The following UBALD1 variants were observed in gnomAD, a reference collection of about 807,000 sequenced individuals.
The protein encoded by UBALD1 is UBA like domain containing 1, also known as UBA-like domain-containing protein 1.
UBALD1 carries 5 observed loss-of-function variants against 16.1 expected under a neutral mutation model. The observed-to-expected ratio is 0.31, with a 90% CI of 0.16 to 0.66. The LOEUF is 0.66. Among genes scored for constraint, UBALD1 ranks in the 30% least tolerant of loss-of-function variants. UBALD1 has a pLI of 0.77. For synonymous variants in UBALD1, 146 were observed against 105.3 expected, an observed-to-expected ratio of 1.39 and a Z score of -2.37; for missense variants, 220 against 252.8, an observed-to-expected ratio of 0.87 and a Z score of 0.88.
In UBALD1 at chr16:4,610,480, C is replaced by T. The variant is rs778641098; in HGVS notation, c.183+13G>A. On this transcript the variant is annotated intron_variant, in intron 2 of 2. Coordinates refer to ENST00000283474, the MANE Select transcript of UBALD1 (RefSeq NM_145253.3). ...CCGCCCAATCCAGAACTGGGGACTCCGGGGACACTTACCATCTGGTGGTGA... is the reference window on the plus strand; with the variant it reads ...CCGCCCAATCCAGAACTGGGGACTCTGGGGACACTTACCATCTGGTGGTGA... 8.8e-6 allele frequency: 14 copies of T among 1,598,496 alleles called. No individual in the cohort carries two copies. Among genetic ancestry groups the T allele is most frequent in the South Asian group, 3.4e-5 (3 of 88,520 alleles).
rs889486706 is a variant in UBALD1 at position 4,610,490 on chromosome 16, T to C, written c.183+3A>G. 1 of 1,604,320 alleles carries C rather than the reference T, an allele frequency of 6.2e-7. No homozygotes were observed. Among genetic ancestry groups the C allele is most frequent in the African/African-American group, 1.3e-5 (1 of 74,694 alleles). ...CAGAACTGGGGACTCCGGGGACACT[T>C]ACCATCTGGTGGTGATGGTGGCTGT... On this transcript the variant is annotated splice_donor_region_variant and intron_variant, in intron 2 of 2. Transcript: ENST00000283474.
In UBALD1 at chr16:4,614,774, G is replaced by C; in HGVS notation, c.24C>G (p.Leu8=). ...ACTGGTTGATCATGACCTGGTGCTTGAGCTCGTCCATGTTCACGGACATGG... is the reference window on the plus strand; with the variant it reads ...ACTGGTTGATCATGACCTGGTGCTTCAGCTCGTCCATGTTCACGGACATGG... MSVNMDE[L]KHQVMINQFV... Residue 8 remains leucine, a synonymous_variant, in exon 1 of 3, where the codon CTC becomes CTG. Transcript: ENST00000283474. 4 of 1,539,732 alleles carry C rather than the reference G, an allele frequency of 2.6e-6. No homozygotes were observed. Among genetic ancestry groups the C allele is most frequent in the South Asian group, 1.2e-5 (1 of 83,270 alleles).
intron 1 of UBALD1, 95 bp from the exon 2 acceptor site, chr16:4,610,650 G>C: frequency 1.4e-6 from 2 of 1,415,180 alleles, no homozygotes; most frequent in Non-Finnish European, 1.9e-6. Context: ...GGATGACCCT[G>C]GCTGGACTGC....
chr16:4,610,277 C>T (rs970729447), intron 2 of UBALD1: 1 of 715,296 alleles, frequency 1.4e-6, no homozygotes, highest in African/African-American at 1.7e-5. Context: ...TTCATTGCCC[C>T]AGAGGCCAGC....
rs141909866 is a variant in UBALD1, at chr16:4,610,232, G to C, written c.184-249C>G. The C allele has an allele frequency of 5.2e-4, 371 of 711,980 alleles. 1 individual carries two copies. In the African/African-American group the frequency reaches 5.9e-3, roughly 11 times the overall value. 44.1% of individuals were successfully genotyped at this position (711,980 alleles called of 1,614,324 possible). On this transcript the variant is annotated intron_variant, in intron 2 of 2. Coordinates refer to ENST00000283474, the MANE Select transcript of UBALD1 (RefSeq NM_145253.3). ...TTTCCCAGCCCACCCCTTTCCATCA[G>C]CCACAGCATCCCCGGGGGCTGTAGG...
chr16:4,610,218 AC>A lies in UBALD1; in HGVS notation c.184-236del, dbSNP rs774204465. ...TGGGGCCACGAGGCTTTCCCAGCCC[AC>A]CCCTTTCCATCAGCCACAGCATCCC... On this transcript the variant is annotated intron_variant, in intron 2 of 2. Coordinates refer to ENST00000283474, the MANE Select transcript of UBALD1 (RefSeq NM_145253.3). The A allele has an allele frequency of 5.6e-6, 4 of 710,912 alleles. No individual in the cohort carries two copies. The South Asian group carries it at 5.9e-5, about 10-fold the overall frequency. 44.0% of individuals were successfully genotyped at this position (710,912 alleles called of 1,614,324 possible). A position where few individuals can be genotyped will look rare whatever the true frequency, so the allele number is the denominator to read the frequency against.
chr16:4,609,929 T>C lies in UBALD1; in HGVS notation c.238A>G (p.Thr80Ala). ...GAGGCCTTGAGACGGGAGAACATGGTGAGAGCGTCAGGGAAGTTGGGGGGT... is the reference window on the plus strand; with the variant it reads ...GAGGCCTTGAGACGGGAGAACATGGCGAGAGCGTCAGGGAAGTTGGGGGGT... The part of the protein sequence containing the change: ...ATPPNFPDAL[T>A]MFSRLKASES... The change falls in exon 3 of 3, where the codon ACC (threonine) becomes GCC (alanine). Residue 80 changes from threonine to alanine, a missense_variant. Coordinates refer to ENST00000283474, the MANE Select transcript of UBALD1 (RefSeq NM_145253.3). 1.3e-6 allele frequency: 2 copies of C among 1,551,038 alleles called. No homozygotes were observed. The highest frequency in any genetic ancestry group is 8.7e-7 in the Non-Finnish European group (1 of 1,152,374).
At chr16:4,610,286 G>A (rs1897342990) in intron 2 of UBALD1, 1 of 716,122 alleles carries the variant, frequency 1.4e-6, no homozygotes, top group Non-Finnish European at 2.5e-6. Flanking sequence ...CCAGAGGCCA[G>A]CGCCCCCCAG....
intron 1 of UBALD1, among the ~76,000 whole-genome samples, chr16:4,612,822 C>T (rs1013472357): frequency 1.3e-5 from 2 of 152,154 alleles, no homozygotes; most frequent in African/African-American, 2.4e-5. Context: ...GCCTCCCTGG[C>T]GGCCCCCACT....
At position 4,610,000 on chromosome 16, in the gene UBALD1, G is replaced by T; in HGVS notation, c.184-17C>A. 1 of 1,549,034 alleles carries T rather than the reference G, an allele frequency of 6.5e-7. No individual in the cohort carries two copies. The highest frequency in any genetic ancestry group is 8.8e-7 in the Non-Finnish European group (1 of 1,137,112). ...GGTGCACATCTGTGAGGGGAAGAGA[G>T]GAGAGATGGGGTGAGCACCCCTTCC... is the stretch of plus-strand genomic sequence containing the variant. On this transcript the variant is annotated splice_polypyrimidine_tract_variant and intron_variant, in intron 2 of 2. Transcript: ENST00000283474.
intron 1 of UBALD1, among the ~76,000 whole-genome samples, chr16:4,612,854 C>A (rs952448242): frequency 3.3e-5 from 5 of 152,172 alleles, no homozygotes; most frequent in Admixed American, 6.5e-5. Context: ...ACAACTGAGA[C>A]TTGGGAGTGG....
chr16:4,614,789 C>A lies in UBALD1; in HGVS notation c.9G>T (p.Val3=). Residue 3 remains valine (V), a synonymous_variant, in exon 1 of 3, where the codon GTG becomes GTT. Coordinates refer to ENST00000283474, the MANE Select transcript of UBALD1 (RefSeq NM_145253.3). ...CCTGGTGCTTGAGCTCGTCCATGTT[C>A]ACGGACATGGCGCCGCCGCGCTGCC... is the stretch of plus-strand genomic sequence containing the variant. MS[V]NMDELKHQVM... is the part of the protein sequence containing the mutation. 1 of 1,516,152 alleles carries A rather than the reference C, an allele frequency of 6.6e-7. No individual in the cohort carries two copies. The highest frequency in any genetic ancestry group is 1.3e-5 in the South Asian group (1 of 79,652). 93.9% of individuals were successfully genotyped at this position (1,516,152 alleles called of 1,614,324 possible).
chr16:4,614,167 C>T (rs1897392446), intron 1 of UBALD1: 3 of 240,384 alleles, frequency 1.2e-5, no homozygotes, highest in African/African-American at 6.8e-5. Context: ...AGGTCCGCCA[C>T]CTCCCCGGTG....
chr16:4,612,893 C>G (rs532965470), intron 1 of UBALD1, among the ~76,000 whole-genome samples: 72 of 152,150 alleles, frequency 4.7e-4, no homozygotes, highest in Middle Eastern at 3.4e-3. Context: ...CATGGGGACC[C>G]TGGGAGCCAC....
chr16:4,609,486 T>A lies in UBALD1; in HGVS notation c.*147A>T, dbSNP rs879474929. Reference sequence around the variant, plus strand: ...GCTGCGTGTTCTGGCACCAGACGTGTCCCTGCCTGGCTAGAGTCCGCGCTC... The same window carrying A: ...GCTGCGTGTTCTGGCACCAGACGTGACCCTGCCTGGCTAGAGTCCGCGCTC... On this transcript the variant is annotated 3_prime_UTR_variant, in exon 3 of 3. Coordinates refer to ENST00000283474, the MANE Select transcript of UBALD1 (RefSeq NM_145253.3). 6 of 419,302 alleles carry A rather than the reference T, an allele frequency of 1.4e-5. No homozygotes were observed. The highest frequency in any genetic ancestry group is 2.5e-5 in the Non-Finnish European group (6 of 241,672). The allele number at this position is 419,302 out of a possible 1,614,324, so 26.0% of individuals were successfully genotyped here.
At chr16:4,612,171 C>G (rs906838321) in intron 1 of UBALD1, among the ~76,000 whole-genome samples, 1 of 148,694 alleles carries the variant, frequency 6.7e-6, no homozygotes, top group Non-Finnish European at 1.5e-5. Flanking sequence ...TCAAGTGATT[C>G]TCCTGCCTCA....
chr16:4,612,560 C>T (rs1897371343), intron 1 of UBALD1, among the ~76,000 whole-genome samples: 1 of 152,058 alleles, frequency 6.6e-6, no homozygotes, highest in Non-Finnish European at 1.5e-5. Context: ...CCCCAGGAGC[C>T]CCAGGCCACA....
At chr16:4,612,701 C>T (rs1346050020) in intron 1 of UBALD1, among the ~76,000 whole-genome samples, 2 of 152,284 alleles carry the variant, frequency 1.3e-5, no homozygotes, top group East Asian at 3.9e-4. Flanking sequence ...GACCCAGAAA[C>T]ACCGCCTGGT....
chr16:4,613,806 G>A (rs1897386986), intron 1 of UBALD1, among the ~76,000 whole-genome samples: 1 of 152,152 alleles, frequency 6.6e-6, no homozygotes, highest in East Asian at 1.9e-4. Context: ...GCCCGGGGGA[G>A]TGGGTGCCAG....
Sources: allele counts gnomAD v4.1 joint callset (sites outside exome capture counted in the v4.1 genomes callset), GRCh38; gene constraint gnomAD v4.1.1; transcripts MANE v1.5; gene names NCBI Gene and HGNC (gene_info 2026-07-23, HGNC 2026-07-21).